NRXN1: variants seen among roughly 807,000 people sequenced by gnomAD.
NRXN1 encodes neurexin 1.
A neutral mutation model predicts 150.9 loss-of-function variants in NRXN1; 39 were observed. That is an observed-to-expected ratio of 0.26 (90% CI 0.20 to 0.34). The LOEUF (loss-of-function observed/expected upper bound fraction) is 0.34, where lower values mean the gene tolerates loss of function less well. Among genes scored for constraint, NRXN1 ranks in the 10% least tolerant of loss-of-function variants. The pLI is 1.00. For missense variants in NRXN1, 1,815 were observed against 1,949.9 expected, an observed-to-expected ratio of 0.93 and a Z score of 1.30; for synonymous variants, 924 against 757.0, an observed-to-expected ratio of 1.22 and a Z score of -3.62.
At chr2:50,209,698 T>G (rs1409599929) in intron 18 of NRXN1, among the ~76,000 whole-genome samples, 1 of 152,064 alleles carries the variant, frequency 6.6e-6, no homozygotes. Flanking sequence ...ATAAGACATG[T>G]TTCAATAAAA....
chr2:50,436,313 C>T (rs550947915), intron 17 of NRXN1, among the ~76,000 whole-genome samples: 5 of 152,188 alleles, frequency 3.3e-5, no homozygotes, highest in African/African-American at 7.2e-5. Context: ...ATTAGCCAGG[C>T]GTGGTGGCAC....
chr2:50,172,490 G>A (rs953114026), intron 18 of NRXN1, among the ~76,000 whole-genome samples: 1 of 151,974 alleles, frequency 6.6e-6, no homozygotes, highest in Non-Finnish European at 1.5e-5. Flanking sequence ...CTAGAACTGT[G>A]ATATTTATCT....
intron 17 of NRXN1, among the ~76,000 whole-genome samples, chr2:50,332,941 A>C (rs1289901068): frequency 6.6e-6 from 1 of 152,220 alleles, no homozygotes. Context: ...AAACCATCAC[A>C]CTAACAAAAT....
intron 17 of NRXN1, among the ~76,000 whole-genome samples, chr2:50,300,292 T>A (rs2074031031): frequency 2.0e-5 from 3 of 152,322 alleles, no homozygotes; most frequent in South Asian, 4.1e-4. Flanking sequence ...ATATCTTAGT[T>A]ACAAACAATG....
At chr2:51,030,716 A>C (rs1261828988) in intron 1 of NRXN1, among the ~76,000 whole-genome samples, 1 of 152,196 alleles carries the variant, frequency 6.6e-6, no homozygotes, top group African/African-American at 2.4e-5. Context: ...CCGAGGAAAG[A>C]GGCTCGTCAA....
At chr2:50,814,161 G>T (rs116153576) in intron 5 of NRXN1, among the ~76,000 whole-genome samples, 4,099 of 152,090 alleles carry the variant, frequency 0.027, 91 homozygotes, top group Non-Finnish European at 0.041. Flanking sequence ...CTCTCTGTTT[G>T]TTTTTGTTTT....
chr2:50,706,759 A>G (rs1336680810), intron 5 of NRXN1, among the ~76,000 whole-genome samples: 2 of 152,170 alleles, frequency 1.3e-5, no homozygotes, highest in African/African-American at 2.4e-5. Flanking sequence ...TTTAATTTCA[A>G]TATGATAGCA....
At chr2:50,958,726 A>T (rs749122386) in intron 2 of NRXN1, among the ~76,000 whole-genome samples, 4 of 152,058 alleles carry the variant, frequency 2.6e-5, no homozygotes, top group Non-Finnish European at 5.9e-5. Flanking sequence ...AATCTCCAAG[A>T]CAATTCTGAA....
chr2:50,497,032 T>C (rs2091674676), intron 14 of NRXN1, among the ~76,000 whole-genome samples: 1 of 152,318 alleles, frequency 6.6e-6, no homozygotes. Context: ...TGGAATTACA[T>C]TGTGCATAGT....
intron 17 of NRXN1, among the ~76,000 whole-genome samples, chr2:50,411,570 T>A (rs1441166505): frequency 6.7e-6 from 1 of 148,982 alleles, no homozygotes; most frequent in East Asian, 2.0e-4. Context: ...CGACCCCGTC[T>A]GGGAACTGAG....
At chr2:50,511,657 C>T (rs2092456746) in intron 12 of NRXN1, among the ~76,000 whole-genome samples, 1 of 152,104 alleles carries the variant, frequency 6.6e-6, no homozygotes, top group African/African-American at 2.4e-5. Context: ...TCCATAAATT[C>T]AAGGTGTCTC....
At position 49,918,989 on chromosome 2, in the gene NRXN1, T is replaced by A. The variant is rs1667753537; in HGVS notation, c.*2955A>T. ...AAAAAGAAGAAGAAAACCCCTTTGA[T>A]ACCCAATCACACAAAGCACTAGAAG... On this transcript the variant is annotated 3_prime_UTR_variant, in exon 23 of 23. Transcript: ENST00000401669. The A allele has an allele frequency of 6.6e-6, 1 of 152,118 alleles. No individual in the cohort carries two copies. The highest frequency in any genetic ancestry group is 1.5e-5 in the Non-Finnish European group (1 of 67,964). The allele number at this position is 152,118 out of a possible 1,614,324, so 9.4% of individuals were successfully genotyped here. A position where few individuals can be genotyped will look rare whatever the true frequency, so the allele number is the denominator to read the frequency against.
At chr2:51,001,930 A>G (rs192221691) in intron 2 of NRXN1, among the ~76,000 whole-genome samples, 1 of 152,020 alleles carries the variant, frequency 6.6e-6, no homozygotes, top group East Asian at 2.0e-4. Context: ...TACCCTCCCT[A>G]TATTGGGAGG....
intron 5 of NRXN1, among the ~76,000 whole-genome samples, chr2:50,724,996 A>C (rs1697156545): frequency 6.6e-6 from 1 of 152,186 alleles, no homozygotes; most frequent in Non-Finnish European, 1.5e-5. Flanking sequence ...TGAGCAAAAA[A>C]GTCAAAGTAA....
At chr2:50,444,709 AAGTTGTTCATG>A (rs764914391) in intron 17 of NRXN1, among the ~76,000 whole-genome samples, 56 of 152,144 alleles carry the variant, frequency 3.7e-4, no homozygotes, top group Non-Finnish European at 7.1e-4. Context: ...TAAAAATAAA[AAGTTGTTCATG>A]ATGAATAACA....
At chr2:50,898,110 A>T (rs1020213560) in intron 5 of NRXN1, among the ~76,000 whole-genome samples, 1 of 152,142 alleles carries the variant, frequency 6.6e-6, no homozygotes, top group East Asian at 1.9e-4. Flanking sequence ...GCTTGAAGAT[A>T]AAGTTCTCCT....
At chr2:50,875,167 A>G (rs1678384385) in intron 5 of NRXN1, among the ~76,000 whole-genome samples, 1 of 151,804 alleles carries the variant, frequency 6.6e-6, no homozygotes, top group African/African-American at 2.4e-5. Flanking sequence ...TTGAGAGAAC[A>G]TATTTACAAC....
chr2:50,275,447 C>G (rs2070307446), intron 17 of NRXN1, among the ~76,000 whole-genome samples: 1 of 151,926 alleles, frequency 6.6e-6, no homozygotes, highest in African/African-American at 2.4e-5. Context: ...TGATTGAAAT[C>G]TAAATGCAAT....
intron 21 of NRXN1, among the ~76,000 whole-genome samples, chr2:49,999,037 TG>T (rs1558663678): frequency 1.4e-4 from 16 of 115,006 alleles, no homozygotes; most frequent in Non-Finnish European, 2.5e-4. Context: ...ACAATTAATC[TG>T]GGGATCTTCT....
Sources: gnomAD v4.1 joint callset for allele counts (sites outside exome capture counted in the v4.1 genomes callset) on GRCh38, gnomAD v4.1.1 for gene constraint, MANE v1.5 for transcripts, NCBI Gene and HGNC (gene_info 2026-07-23, HGNC 2026-07-21) for gene names.